LDLRAD4: variants seen among roughly 807,000 people sequenced by gnomAD.
LDLRAD4 encodes low density lipoprotein receptor class A domain containing 4, also known as low-density lipoprotein receptor class A domain-containing protein 4.
LDLRAD4 carries 5 observed loss-of-function variants against 17.0 expected under a neutral mutation model. The ratio of observed to expected loss-of-function variants is 0.29; its 90% CI spans 0.15 to 0.62. LDLRAD4 has a LOEUF of 0.62. Among genes scored for constraint, LDLRAD4 ranks in the 20% least tolerant of loss-of-function variants. The probability of loss-of-function intolerance (pLI) is 0.84; values close to 1 mark genes in which losing one functional copy is unlikely to be tolerated. For missense variants in LDLRAD4, 340 were observed against 424.7 expected (o/e 0.80, Z 1.75); for synonymous variants, 168 against 171.8 (o/e 0.98, Z 0.17).
At chr18:13,637,101 A>G (rs560246375) in intron 4 of LDLRAD4, among the ~76,000 whole-genome samples, 1 of 152,002 alleles carries the variant, frequency 6.6e-6, no homozygotes, top group Non-Finnish European at 1.5e-5. Context: ...CCTGGCCTAA[A>G]GTTTTTTTTG....
chr18:13,284,801 C>T (rs949830892), intron 1 of LDLRAD4, among the ~76,000 whole-genome samples: 1 of 152,182 alleles, frequency 6.6e-6, no homozygotes, highest in East Asian at 1.9e-4. Flanking sequence ...GAGCTGTGCT[C>T]GAGTGTGAAA....
At chr18:13,556,680 A>T (rs1017584342) in intron 3 of LDLRAD4, among the ~76,000 whole-genome samples, 1 of 152,216 alleles carries the variant, frequency 6.6e-6, no homozygotes, top group East Asian at 1.9e-4. Flanking sequence ...TGGGTAAACA[A>T]AGACTTGCTA....
At chr18:13,613,453 G>C (rs987661555) in intron 3 of LDLRAD4, 1 of 152,192 alleles carries the variant, frequency 6.6e-6, no homozygotes, top group Non-Finnish European at 1.5e-5. Flanking sequence ...CCTATAGGGG[G>C]AATTATGGCT....
chr18:13,512,647 T>C (rs1302012803), intron 3 of LDLRAD4, among the ~76,000 whole-genome samples: 1 of 152,244 alleles, frequency 6.6e-6, no homozygotes, highest in African/African-American at 2.4e-5. Context: ...AGAGAACTAA[T>C]GACTACTGCA....
At chr18:13,304,278 G>A (rs1448137460) in intron 1 of LDLRAD4, among the ~76,000 whole-genome samples, 5 of 152,242 alleles carry the variant, frequency 3.3e-5, no homozygotes, top group Non-Finnish European at 7.3e-5. Flanking sequence ...TCTGTAGAAT[G>A]TTGTGACTGT....
At chr18:13,596,508 C>G (rs1473639523) in intron 3 of LDLRAD4, among the ~76,000 whole-genome samples, 3 of 152,138 alleles carry the variant, frequency 2.0e-5, no homozygotes, top group Non-Finnish European at 4.4e-5. Flanking sequence ...TTGTCAGAAT[C>G]TACTTAAGAT....
intron 3 of LDLRAD4, among the ~76,000 whole-genome samples, chr18:13,467,064 G>A (rs2092642490): frequency 6.6e-6 from 1 of 152,204 alleles, no homozygotes; most frequent in African/African-American, 2.4e-5. Flanking sequence ...AGTGGTGAAA[G>A]CTTTAAACCC....
chr18:13,504,838 G>A (rs890472), intron 3 of LDLRAD4, among the ~76,000 whole-genome samples: 138,808 of 152,244 alleles, frequency 0.91, 63,763 homozygotes, highest in South Asian at 0.98. Context: ...CCACAGACAT[G>A]CCCCACTATT....
At chr18:13,346,010 T>C (rs1156948699) in intron 1 of LDLRAD4, among the ~76,000 whole-genome samples, 2 of 152,200 alleles carry the variant, frequency 1.3e-5, no homozygotes, top group Non-Finnish European at 2.9e-5. Context: ...ATCAATGTTG[T>C]TGATCTTTTC....
intron 1 of LDLRAD4, among the ~76,000 whole-genome samples, chr18:13,381,076 GTTT>G (rs759672017): frequency 1.6e-5 from 2 of 128,486 alleles, no homozygotes; most frequent in African/African-American, 5.9e-5. Context: ...TTTCTCTTTA[GTTT>G]TTTTTTTTTT....
At chr18:13,597,108 C>T (rs2095105211) in intron 3 of LDLRAD4, among the ~76,000 whole-genome samples, 1 of 152,154 alleles carries the variant, frequency 6.6e-6, no homozygotes, top group Admixed American at 6.5e-5. Context: ...AGTCTACTAG[C>T]AACAGTCTTT....
intron 1 of LDLRAD4, among the ~76,000 whole-genome samples, chr18:13,365,022 G>T (rs905967790): frequency 6.6e-6 from 1 of 152,230 alleles, no homozygotes; most frequent in Non-Finnish European, 1.5e-5. Flanking sequence ...GCTGAGTTGT[G>T]CAGTACAAGT....
At chr18:13,562,504 GATACATGTAT>G (rs1334019698) in intron 3 of LDLRAD4, among the ~76,000 whole-genome samples, 1 of 152,170 alleles carries the variant, frequency 6.6e-6, no homozygotes, top group Non-Finnish European at 1.5e-5. Context: ...GTGATTATTT[GATACATGTAT>G]ATACATTGTG....
chr18:13,347,504 A>T (rs1396091686), intron 1 of LDLRAD4, among the ~76,000 whole-genome samples: 4 of 151,836 alleles, frequency 2.6e-5, no homozygotes, highest in African/African-American at 9.7e-5. Context: ...TGCCCTTAAA[A>T]TTTTTTCCTT....
upstream of LDLRAD4, among the ~76,000 whole-genome samples, chr18:13,275,805 T>C (rs1165510344): frequency 6.6e-6 from 1 of 152,144 alleles, no homozygotes; most frequent in Non-Finnish European, 1.5e-5. Flanking sequence ...ATGTGCCACA[T>C]ACTCTGCAAA....
chr18:13,641,703 G>T (rs2042576759), intron 4 of LDLRAD4: 1 of 968,158 alleles, frequency 1.0e-6, no homozygotes, highest in African/African-American at 1.8e-5. Context: ...GGCTGGCGGG[G>T]CCGCCAGTCG....
Position 13,645,416 on chromosome 18 carries a change from G to A in LDLRAD4, c.680G>A (p.Gly227Asp). ...ATAGACATTGCTATGTATAGCGGGGGTCCATGCCCACCCAGCAGCAACTCG... is the reference window on the plus strand; with the variant it reads ...ATAGACATTGCTATGTATAGCGGGGATCCATGCCCACCCAGCAGCAACTCG... Residue 227 changes from glycine (G) to aspartate (D), a missense_variant, in exon 6 of 6, where the codon GGT (glycine) becomes GAT (aspartate). Physicochemically the swap from Gly to Asp is moderately conservative, Grantham distance 94. Coordinates refer to ENST00000359446, the Ensembl canonical transcript of LDLRAD4. The surrounding 1 kb of genome is among the most constrained non-coding windows in gnomAD (Gnocchi z 5.7). 1 of 1,614,106 alleles carries A rather than the reference G, an allele frequency of 6.2e-7. No homozygotes were observed. The highest frequency in any genetic ancestry group is 8.5e-7 in the Non-Finnish European group (1 of 1,180,030).
At chr18:13,397,269 A>G (rs2086780750) in intron 2 of LDLRAD4, among the ~76,000 whole-genome samples, 1 of 151,830 alleles carries the variant, frequency 6.6e-6, no homozygotes, top group African/African-American at 2.4e-5. Flanking sequence ...TCAGCCTCCC[A>G]AGTAGCTGGG....
intron 1 of LDLRAD4, among the ~76,000 whole-genome samples, chr18:13,229,608 C>T (rs980284077): frequency 2.0e-5 from 3 of 152,182 alleles, no homozygotes; most frequent in Admixed American, 6.5e-5. Context: ...TTTACAATCA[C>T]GTCTTGAACT....
Sources: gnomAD v4.1 joint callset for allele counts (sites outside exome capture counted in the v4.1 genomes callset) on GRCh38, gnomAD v4.1.1 for gene constraint, Gnocchi (gnomAD v3.1) non-coding constraint, MANE v1.5 for transcripts, NCBI Gene and HGNC (gene_info 2026-07-23, HGNC 2026-07-21) for gene names.